The following ITPR2 variants were observed in gnomAD, a reference collection of about 807,000 sequenced individuals.
ITPR2 encodes inositol 1,4,5-trisphosphate-gated calcium channel ITPR2.
ITPR2 carries 207 observed loss-of-function variants against 317.1 expected under a neutral mutation model. The observed-to-expected ratio is 0.65, with a 90% confidence interval of 0.58 to 0.73. ITPR2 has a LOEUF of 0.73. ITPR2 is among the 30% of genes least tolerant of loss of function. The pLI, the probability that ITPR2 is intolerant of heterozygous loss-of-function variation, is 0.00. For missense variants in ITPR2, 2,613 were observed against 3,284.0 expected (o/e 0.80, Z 4.99); for synonymous variants, 1,156 against 1,149.1 (o/e 1.01, Z -0.12).
At chr12:26,430,116 C>T (rs1941166064) in intron 48 of ITPR2, among the ~76,000 whole-genome samples, 1 of 152,160 alleles carries the variant, frequency 6.6e-6, no homozygotes, top group South Asian at 2.1e-4. Flanking sequence ...TAGGTTCATA[C>T]TAAATATATA....
At chr12:26,559,972 A>C (rs1460229963) in intron 35 of ITPR2, among the ~76,000 whole-genome samples, 1 of 152,148 alleles carries the variant, frequency 6.6e-6, no homozygotes, top group East Asian at 1.9e-4. Flanking sequence ...ATTATCCAAC[A>C]ATTTATCATT....
At chr12:26,673,024 A>G (rs1397904435) in intron 13 of ITPR2, among the ~76,000 whole-genome samples, 1 of 152,204 alleles carries the variant, frequency 6.6e-6, no homozygotes, top group African/African-American at 2.4e-5. Flanking sequence ...TAGACCAATA[A>G]CAGGAGCTGA....
chr12:26,709,141 T>C (rs1788511292), intron 9 of ITPR2, among the ~76,000 whole-genome samples: 1 of 152,128 alleles, frequency 6.6e-6, no homozygotes, highest in Non-Finnish European at 1.5e-5. Flanking sequence ...AAAACACCAA[T>C]GTATGGATGC....
chr12:26,440,722 GA>G (rs1458034763), intron 46 of ITPR2, among the ~76,000 whole-genome samples: 2 of 151,934 alleles, frequency 1.3e-5, no homozygotes, highest in East Asian at 1.9e-4. Context: ...ACCATATAGG[GA>G]AAAAAGGTTT....
chr12:26,694,798 G>A (rs1948306826), intron 10 of ITPR2, among the ~76,000 whole-genome samples: 1 of 152,122 alleles, frequency 6.6e-6, no homozygotes, highest in African/African-American at 2.4e-5. Context: ...CCAATTAATC[G>A]AATAAACCTA....
chr12:26,579,914 G>A, intron 33 of ITPR2, 113 bp downstream of exon 33: 2 of 740,740 alleles, frequency 2.7e-6, no homozygotes, highest in East Asian at 2.6e-5. Context: ...AATAATATAA[G>A]AGAAGAATAA....
chr12:26,694,039 G>A (rs568498254), intron 10 of ITPR2, among the ~76,000 whole-genome samples: 30 of 152,304 alleles, frequency 2.0e-4, no homozygotes, highest in Non-Finnish European at 3.2e-4. Context: ...GGCCCTACAC[G>A]ATGCTGAAGA....
At chr12:26,817,005 C>T (rs1053825458) in intron 1 of ITPR2, among the ~76,000 whole-genome samples, 3 of 151,484 alleles carry the variant, frequency 2.0e-5, no homozygotes, top group African/African-American at 7.3e-5. Context: ...CGGTGAAACC[C>T]CATCTCTACT....
chr12:26,720,944 C>T (rs1455255103), intron 5 of ITPR2, among the ~76,000 whole-genome samples: 4 of 152,170 alleles, frequency 2.6e-5, no homozygotes, highest in African/African-American at 9.7e-5. Context: ...CATCACATTC[C>T]TTCCGAGCTT....
At chr12:26,535,545 A>G (rs1451769728) in intron 37 of ITPR2, among the ~76,000 whole-genome samples, 1 of 152,242 alleles carries the variant, frequency 6.6e-6, no homozygotes, top group Non-Finnish European at 1.5e-5. Flanking sequence ...TCTAAAGTTT[A>G]TAGCTTCACA....
At chr12:26,626,038 T>A (rs1024012851) in intron 23 of ITPR2, among the ~76,000 whole-genome samples, 2 of 152,192 alleles carry the variant, frequency 1.3e-5, no homozygotes, top group African/African-American at 2.4e-5. Flanking sequence ...TTCAACTCAC[T>A]GCAGCGTCGA....
At chr12:26,677,372 G>A (rs923504461) in intron 13 of ITPR2, among the ~76,000 whole-genome samples, 1 of 152,184 alleles carries the variant, frequency 6.6e-6, no homozygotes, top group African/African-American at 2.4e-5. Flanking sequence ...GGCCAACAAA[G>A]GTAGATTGCT....
chr12:26,439,201 C>A lies in ITPR2; in HGVS notation c.6569G>T (p.Gly2190Val). ...VFNTTERDEQ[G>V]SKVNDFFQQT... ...CTGGAAAAAGTCATTCACTTTACTT[C>A]CTTGTTCATCCCTTTCAGTTGTATT... is the stretch of plus-strand genomic sequence containing the variant. Residue 2190 changes from glycine (G) to valine (V), a missense_variant, in exon 47 of 57, where the codon GGA becomes GTA. Physicochemically the swap from Gly to Val is moderately radical, Grantham distance 109 (BLOSUM62 -3). Transcript: ENST00000381340. The A allele has an allele frequency of 6.2e-7, 1 of 1,613,084 alleles. No homozygotes were observed. Among genetic ancestry groups the A allele is most frequent in the Non-Finnish European group, 8.5e-7 (1 of 1,179,346 alleles).
chr12:26,467,334 T>A (rs772524626), intron 45 of ITPR2, among the ~76,000 whole-genome samples: 2 of 152,184 alleles, frequency 1.3e-5, no homozygotes, highest in Non-Finnish European at 2.9e-5. Context: ...ATGCCATGGC[T>A]GTTCCTGCCA....
intron 55 of ITPR2, among the ~76,000 whole-genome samples, chr12:26,353,658 C>A (rs1221374951): frequency 3.3e-5 from 5 of 152,204 alleles, no homozygotes; most frequent in African/African-American, 9.7e-5. Context: ...TTCAGTTAAT[C>A]CACAACTCAA....
chr12:26,553,339 T>TG (rs1565599025), intron 36 of ITPR2, among the ~76,000 whole-genome samples: 1 of 152,206 alleles, frequency 6.6e-6, no homozygotes, highest in Non-Finnish European at 1.5e-5. Flanking sequence ...ACTCCTGTCC[T>TG]GGGGTCTATC....
At chr12:26,645,549 G>A (rs12228078) in intron 21 of ITPR2, among the ~76,000 whole-genome samples, 1 of 152,240 alleles carries the variant, frequency 6.6e-6, no homozygotes, top group Non-Finnish European at 1.5e-5. Context: ...AGCATGGACA[G>A]AGGGAGGACA....
chr12:26,387,754 C>A (rs932603304), intron 54 of ITPR2, among the ~76,000 whole-genome samples, 160 bp from the exon 55 acceptor site: 2 of 152,288 alleles, frequency 1.3e-5, no homozygotes, highest in African/African-American at 4.8e-5. Context: ...GTACACAAGA[C>A]CTCCAGAAAA....
At chr12:26,418,947 T>A (rs1395059961) in intron 50 of ITPR2, 102 bp downstream of exon 50, 1 of 925,016 alleles carries the variant, frequency 1.1e-6, no homozygotes, top group Non-Finnish European at 1.6e-6. Flanking sequence ...TTGTCCTAAA[T>A]GTCAGGCTTT....
Sources: gnomAD v4.1 joint callset for allele counts (sites outside exome capture counted in the v4.1 genomes callset) on GRCh38, gnomAD v4.1.1 for gene constraint, MANE v1.5 for transcripts, NCBI Gene and HGNC (gene_info 2026-07-23, HGNC 2026-07-21) for gene names.